Variants in BACH2 observed in about 807,000 individuals in gnomAD.
BACH2 encodes the protein transcription regulator protein BACH2.
Under a neutral mutation model 61.8 loss-of-function variants are expected in BACH2, and 5 were observed. The ratio of observed to expected loss-of-function variants is 0.08; its 90% confidence interval spans 0.04 to 0.17. The LOEUF (loss-of-function observed/expected upper bound fraction) is 0.17. Ranked by LOEUF, BACH2 falls within the 10% of genes least tolerant of loss-of-function variation. The pLI is 1.00. For missense variants in BACH2, 824 were observed against 1,091.1 expected, an observed-to-expected ratio of 0.76 and a Z score of 3.45; for synonymous variants, 446 against 440.1, an observed-to-expected ratio of 1.01 and a Z score of -0.17.
chr6:90,033,351 TAAA>T (rs57759686), intron 5 of BACH2, among the ~76,000 whole-genome samples: 3 of 83,378 alleles, frequency 3.6e-5, no homozygotes, highest in East Asian at 3.2e-4. Flanking sequence ...GAAACTTAAA[TAAA>T]AAAAAAAAAA....
intron 6 of BACH2, among the ~76,000 whole-genome samples, chr6:89,983,870 T>C (rs1377384318): frequency 6.6e-6 from 1 of 152,172 alleles, no homozygotes. Flanking sequence ...GCCACTTTGT[T>C]AGAATGGTTA....
chr6:89,944,147 T>C (rs1217192474), intron 7 of BACH2, among the ~76,000 whole-genome samples: 1 of 152,252 alleles, frequency 6.6e-6, no homozygotes, highest in Non-Finnish European at 1.5e-5. Flanking sequence ...GTCAATTAAT[T>C]AGTTGTGTGA....
At chr6:90,211,550 C>A (rs542333862) in intron 3 of BACH2, among the ~76,000 whole-genome samples, 1 of 151,106 alleles carries the variant, frequency 6.6e-6, no homozygotes, top group African/African-American at 2.4e-5. Context: ...CACCTTTAAT[C>A]CTATGCTCTT....
rs1340021531 is a variant in BACH2, at chr6:90,034,523, G to A, written c.-12-25667C>T. On this transcript the variant is annotated intron_variant, in intron 5 of 8. Transcript: ENST00000257749. ...TCATAAAACATTAGCACAAAAATAG[G>A]AATAATGAAATTTAATTATACATTA... 2.0e-5 allele frequency among the ~76,000 whole-genome samples: 3 copies of A among 151,926 alleles called. No individual in the cohort carries two copies. In the East Asian group the frequency reaches 5.8e-4, roughly 29 times the overall value.
chr6:89,941,317 C>T (rs142143621), intron 7 of BACH2, among the ~76,000 whole-genome samples: 23 of 152,296 alleles, frequency 1.5e-4, no homozygotes, highest in African/African-American at 5.3e-4. Context: ...TTGTCAGGTT[C>T]CATCACAGCT....
rs534567547 is a variant in BACH2, at chr6:90,182,322, T to A, written c.-162+24247A>T. 8.5e-5 allele frequency among the ~76,000 whole-genome samples: 13 copies of A among 152,336 alleles called. No homozygotes were observed. In the South Asian group the frequency reaches 2.3e-3, roughly 27 times the overall value. ...TTCCTTCAGGCCCATCACATACTGT[T>A]CCTTCTATCTGGAATGTCCTTCATC... On this transcript the variant is annotated intron_variant, in intron 4 of 8. Coordinates refer to ENST00000257749, the MANE Select transcript of BACH2 (RefSeq NM_021813.4).
intron 4 of BACH2, among the ~76,000 whole-genome samples, chr6:90,149,749 T>C (rs1233139307): frequency 1.3e-5 from 2 of 152,148 alleles, no homozygotes; most frequent in African/African-American, 2.4e-5. Flanking sequence ...TATCAAGAAA[T>C]GTGGGGTCCT....
intron 6 of BACH2, among the ~76,000 whole-genome samples, chr6:89,973,520 G>A (rs1018133170): frequency 6.6e-6 from 1 of 152,100 alleles, no homozygotes; most frequent in Non-Finnish European, 1.5e-5. Flanking sequence ...TTGTGATTCC[G>A]ACCCTCCTGC....
intron 5 of BACH2, among the ~76,000 whole-genome samples, chr6:90,028,309 A>G (rs1012458316): frequency 1.3e-5 from 2 of 152,238 alleles, no homozygotes; most frequent in Non-Finnish European, 2.9e-5. Flanking sequence ...ATGCCAAAAG[A>G]AGGCATCTGG....
intron 4 of BACH2, among the ~76,000 whole-genome samples, chr6:90,140,780 G>C (rs1378927175): frequency 6.6e-6 from 1 of 152,164 alleles, no homozygotes; most frequent in Non-Finnish European, 1.5e-5. Flanking sequence ...TGTCACAAGG[G>C]AATGATAATT....
chr6:90,107,337 A>G (rs947744893), intron 4 of BACH2, among the ~76,000 whole-genome samples: 2 of 152,050 alleles, frequency 1.3e-5, no homozygotes, highest in African/African-American at 4.8e-5. Context: ...GTGCCACTAC[A>G]TTCCAGCCTG....
At chr6:89,961,552 C>G (rs1167981364) in intron 6 of BACH2, among the ~76,000 whole-genome samples, 1 of 152,144 alleles carries the variant, frequency 6.6e-6, no homozygotes, top group African/African-American at 2.4e-5. Context: ...CCCTCTCAAC[C>G]CCTCTAGTCA....
chr6:90,215,745 T>G (rs1356371873), intron 3 of BACH2, among the ~76,000 whole-genome samples: 1 of 152,186 alleles, frequency 6.6e-6, no homozygotes, highest in Non-Finnish European at 1.5e-5. Context: ...CTTTGTAGCC[T>G]AAGCTAATTG....
intron 5 of BACH2, among the ~76,000 whole-genome samples, chr6:90,061,141 G>A (rs1222951092): frequency 6.6e-6 from 1 of 152,208 alleles, no homozygotes; most frequent in Non-Finnish European, 1.5e-5. Context: ...CTGTAAGAAT[G>A]AACTGCAGGG....
At chr6:90,207,060 T>A (rs1222985402) in intron 3 of BACH2, among the ~76,000 whole-genome samples, 1 of 152,164 alleles carries the variant, frequency 6.6e-6, no homozygotes, top group Admixed American at 6.5e-5. Context: ...TCATATGAAT[T>A]ACATTTTAGA....
At chr6:89,960,572 G>T (rs891627578) in intron 6 of BACH2, among the ~76,000 whole-genome samples, 1 of 152,214 alleles carries the variant, frequency 6.6e-6, no homozygotes, top group African/African-American at 2.4e-5. Flanking sequence ...CTCATAATTG[G>T]TTCTATTTTT....
At chr6:90,240,262 T>C (rs910326146) in intron 3 of BACH2, among the ~76,000 whole-genome samples, 10 of 152,050 alleles carry the variant, frequency 6.6e-5, no homozygotes, top group African/African-American at 2.2e-4. Context: ...GTTTAACACA[T>C]GTTAATCCTT....
intron 5 of BACH2, chr6:90,063,051 T>G (rs1424538050): frequency 2.4e-6 from 1 of 422,722 alleles, no homozygotes; most frequent in Non-Finnish European, 3.2e-6. Flanking sequence ...AGCTTGAGCT[T>G]TATGTAAAAG....
chr6:90,185,326 C>T (rs1429651336), intron 4 of BACH2, among the ~76,000 whole-genome samples: 1 of 152,096 alleles, frequency 6.6e-6, no homozygotes, highest in Non-Finnish European at 1.5e-5. Context: ...GCTGGATTCT[C>T]AATTTTCCAA....
Sources: allele counts gnomAD v4.1 joint callset (sites outside exome capture counted in the v4.1 genomes callset), GRCh38; gene constraint gnomAD v4.1.1; transcripts MANE v1.5; gene names NCBI Gene and HGNC (gene_info 2026-07-23, HGNC 2026-07-21).